The following TEKT5 variants were observed in gnomAD, a reference collection of about 807,000 sequenced individuals.
The protein encoded by TEKT5 is tektin-5.
TEKT5 carries 52 observed loss-of-function variants against 48.7 expected under a neutral mutation model. That is an observed-to-expected ratio of 1.07 (90% CI 0.86 to 1.35). The LOEUF is 1.35. Among genes scored for constraint, TEKT5 ranks in the 40% most tolerant of loss-of-function variants. The pLI, the probability that TEKT5 is intolerant of heterozygous loss-of-function variation, is 0.00. For synonymous variants in TEKT5, 318 were observed against 267.6 expected (o/e 1.19, Z -1.84); for missense variants, 831 against 641.6 (o/e 1.30, Z -3.19).
intron 5 of TEKT5, among the ~76,000 whole-genome samples, chr16:10,649,598 C>T (rs575099169): frequency 2.0e-5 from 3 of 151,982 alleles, no homozygotes; most frequent in African/African-American, 7.2e-5. Flanking sequence ...CCATGCTTGG[C>T]TAGTTTTTGT....
rs534975095 is a variant in TEKT5, at chr16:10,630,443, T to G, written c.1242-2644A>C. Reference sequence around the variant, plus strand: ...TTTATAGAGATGGGGTTTATTTTTTTGCCTCCAGGTTGGTCTCAAACTCCT... The same window carrying G: ...TTTATAGAGATGGGGTTTATTTTTTGGCCTCCAGGTTGGTCTCAAACTCCT... On this transcript the variant is annotated intron_variant, in intron 6 of 6. Coordinates refer to ENST00000283025, the MANE Select transcript of TEKT5 (RefSeq NM_144674.2). Among the ~76,000 whole-genome samples, 48 of 152,228 alleles carry G rather than the reference T, an allele frequency of 3.2e-4. 3 individuals are homozygous for G. Among genetic ancestry groups the G allele is most frequent in the Non-Finnish European group, 1.3e-4 (9 of 68,006 alleles).
Position 10,687,357 on chromosome 16 carries a change from ATAAG to A in TEKT5, c.719+1892_719+1895del, listed in dbSNP as rs1157481882. Among the ~76,000 whole-genome samples, 4 of 152,374 alleles carry A rather than the reference ATAAG, an allele frequency of 2.6e-5. No homozygotes were observed. In the South Asian group the frequency reaches 6.2e-4, roughly 24 times the overall value. On this transcript the variant is annotated intron_variant, in intron 3 of 6. Transcript: ENST00000283025. ...TACCACTTTTGTCAATTAAAAATGA[ATAAG>A]TAATTAAAAAAATAAGTGTAAGAAA...
chr16:10,649,696 A>G (rs187764691), intron 5 of TEKT5, among the ~76,000 whole-genome samples: 1 of 152,286 alleles, frequency 6.6e-6, no homozygotes, highest in Admixed American at 6.5e-5. Flanking sequence ...CTGGCCTCCT[A>G]AAGTGCCGGG....
At position 10,682,088 on chromosome 16, in the gene TEKT5, T is replaced by G. The variant is rs773970525; in HGVS notation, c.768A>C (p.Lys256Asn). Residue 256 changes from lysine to asparagine, a missense_variant, in exon 4 of 7, where the codon AAA becomes AAC. Physicochemically the swap from Lys to Asn is moderately conservative, Grantham distance 94. Transcript: ENST00000283025. Reference sequence around the variant, plus strand: ...TCTCATCGATACACTGGGCCGAGCTTTTGTCTTCGAGGTCCCTCTCCAGCA... The same window carrying G: ...TCTCATCGATACACTGGGCCGAGCTGTTGTCTTCGAGGTCCCTCTCCAGCA... ...QHVLERDLED[K>N]SSAQCIDEKC... is the part of the protein sequence containing the mutation. 1 of 1,614,170 alleles carries G rather than the reference T, an allele frequency of 6.2e-7. No individual in the cohort carries two copies. The highest frequency in any genetic ancestry group is 1.7e-5 in the Admixed American group (1 of 60,024).
intron 6 of TEKT5, 138 bp from the exon 7 acceptor site, chr16:10,627,937 G>A (rs531075337): frequency 1.5e-6 from 1 of 672,490 alleles, no homozygotes; most frequent in Non-Finnish European, 2.4e-6. Context: ...CTGCCTCCCG[G>A]GTTCAAGTAA....
chr16:10,684,869 G>A (rs140104635), intron 3 of TEKT5, among the ~76,000 whole-genome samples: 309 of 152,276 alleles, frequency 2.0e-3, no homozygotes, highest in Non-Finnish European at 3.2e-3. Context: ...CTCACCTGGT[G>A]CAGCAAGGAC....
At chr16:10,654,938 T>TCCC (rs1898233423) in intron 5 of TEKT5, among the ~76,000 whole-genome samples, 3 of 46,304 alleles carry the variant, frequency 6.5e-5, no homozygotes, top group Admixed American at 2.6e-4. Context: ...CCCCCTCCCC[T>TCCC]CCCCCACCCC....
intron 1 of TEKT5, chr16:10,690,606 T>C: frequency 1.0e-6 from 1 of 985,398 alleles, no homozygotes; most frequent in Non-Finnish European, 1.2e-6. Flanking sequence ...CCTGTGAATA[T>C]GCATGAAAAC....
At chr16:10,675,476 G>A (rs1283193201) in intron 5 of TEKT5, among the ~76,000 whole-genome samples, 1 of 152,182 alleles carries the variant, frequency 6.6e-6, no homozygotes, top group Admixed American at 6.5e-5. Flanking sequence ...ATCGGGCAGT[G>A]CTGCAGACTC....
At chr16:10,630,101 A>G (rs969534451) in intron 6 of TEKT5, among the ~76,000 whole-genome samples, 3 of 152,034 alleles carry the variant, frequency 2.0e-5, no homozygotes, top group Non-Finnish European at 4.4e-5. Context: ...GCACTAGGCT[A>G]ATTTTAATGT....
intron 5 of TEKT5, among the ~76,000 whole-genome samples, chr16:10,653,975 T>A (rs576011772): frequency 2.0e-5 from 3 of 152,048 alleles, no homozygotes; most frequent in Non-Finnish European, 4.4e-5. Context: ...CTGGGGGAAC[T>A]AAGTAAAATT....
intron 5 of TEKT5, among the ~76,000 whole-genome samples, chr16:10,637,045 G>A (rs1273400965): frequency 1.3e-5 from 2 of 149,508 alleles, no homozygotes; most frequent in African/African-American, 2.5e-5. Context: ...GCAGTGGTGC[G>A]ATTTCGGCTC....
intron 1 of TEKT5, 88 bp from the exon 2 acceptor site, chr16:10,690,113 T>C: frequency 1.4e-6 from 2 of 1,401,270 alleles, no homozygotes; most frequent in Non-Finnish European, 2.0e-6. Context: ...CTTGCCACAA[T>C]CTGTTCCTTT....
chr16:10,688,102 A>C (rs185199645), intron 3 of TEKT5, among the ~76,000 whole-genome samples: 1 of 152,354 alleles, frequency 6.6e-6, no homozygotes, highest in Admixed American at 6.5e-5. Context: ...TATAGGTAAC[A>C]ATAGTCCCGG....
rs1487898447 is a variant in TEKT5, at chr16:10,627,763, C to T, written c.1278G>A (p.Leu426=). 2 of 1,614,216 alleles carry T rather than the reference C, an allele frequency of 1.2e-6. No homozygotes were observed. The highest frequency in any genetic ancestry group is 8.5e-7 in the Non-Finnish European group (1 of 1,180,046). Residue 426 remains leucine, a synonymous_variant, in exon 7 of 7, where the codon CTG becomes CTA. Transcript: ENST00000283025. ...VNEVFTIDDT[L]QTLKLRLRET... Reference sequence around the variant, plus strand: ...CCCGCAGCCGCAGCTTGAGGGTCTGCAGGGTGTCGTCGATGGTGAACACCT... The same window carrying T: ...CCCGCAGCCGCAGCTTGAGGGTCTGTAGGGTGTCGTCGATGGTGAACACCT...
intron 2 of TEKT5, 85 bp downstream of exon 2, chr16:10,689,857 C>T: frequency 1.5e-6 from 2 of 1,360,370 alleles, no homozygotes; most frequent in East Asian, 2.3e-5. Context: ...GGCTTCTGCT[C>T]CTGACAGGTA....
At chr16:10,666,993 T>G (rs1596411704) in intron 5 of TEKT5, among the ~76,000 whole-genome samples, 2 of 119,928 alleles carry the variant, frequency 1.7e-5, no homozygotes, top group Admixed American at 1.8e-4. Context: ...TTTTTTTTTT[T>G]TTTTTTTTGA....
intron 6 of TEKT5, among the ~76,000 whole-genome samples, chr16:10,631,325 T>C (rs1897837850): frequency 7.8e-6 from 1 of 127,660 alleles, no homozygotes; most frequent in Non-Finnish European, 1.6e-5. Flanking sequence ...CTTGGGTTTG[T>C]TCTCAGTGCT....
At chr16:10,660,387 C>T (rs1352392681) in intron 5 of TEKT5, among the ~76,000 whole-genome samples, 2 of 152,150 alleles carry the variant, frequency 1.3e-5, no homozygotes, top group African/African-American at 4.8e-5. Flanking sequence ...ACCCCACCCC[C>T]ACCTGCTGGC....
Sources: allele counts gnomAD v4.1 joint callset (sites outside exome capture counted in the v4.1 genomes callset), GRCh38; gene constraint gnomAD v4.1.1; transcripts MANE v1.5; gene names NCBI Gene and HGNC (gene_info 2026-07-23, HGNC 2026-07-21).